Variants in MAD1L1 observed in about 807,000 individuals in gnomAD.
MAD1L1 encodes mitotic arrest deficient 1 like 1.
A neutral mutation model predicts 96.9 loss-of-function variants in MAD1L1; 95 were observed. The ratio of observed to expected loss-of-function variants is 0.98; its 90% CI spans 0.83 to 1.16. The LOEUF (loss-of-function observed/expected upper bound fraction) is 1.16, where lower values mean the gene tolerates loss of function less well. Ranked by LOEUF, MAD1L1 falls within the 50% of genes most tolerant of loss-of-function variation. The pLI is 0.00. For missense variants in MAD1L1, 1,007 were observed against 954.4 expected, an observed-to-expected ratio of 1.06 and a Z score of -0.73; for synonymous variants, 473 against 396.6, an observed-to-expected ratio of 1.19 and a Z score of -2.29.
chr7:1,911,951 C>T (rs1028076285), intron 17 of MAD1L1, among the ~76,000 whole-genome samples: 7 of 152,262 alleles, frequency 4.6e-5, no homozygotes, highest in Admixed American at 2.0e-4. Context: ...CTGTCCAACC[C>T]GCCCTCCATG....
intron 17 of MAD1L1, among the ~76,000 whole-genome samples, chr7:1,916,775 C>A (rs1056684387): frequency 6.6e-6 from 1 of 152,152 alleles, no homozygotes; most frequent in Non-Finnish European, 1.5e-5. Flanking sequence ...CCCGATCCCA[C>A]GGTGGGGGCC....
At chr7:1,876,203 G>A (rs976055114) in intron 18 of MAD1L1, among the ~76,000 whole-genome samples, 5 of 152,174 alleles carry the variant, frequency 3.3e-5, no homozygotes, top group East Asian at 1.9e-4. Context: ...GGATGGTAGC[G>A]GCATGGCAGC....
intron 16 of MAD1L1, among the ~76,000 whole-genome samples, chr7:1,954,391 C>G (rs1326823004): frequency 6.6e-6 from 1 of 152,138 alleles, no homozygotes; most frequent in African/African-American, 2.4e-5. Flanking sequence ...CCCAGTGTCC[C>G]AGCTATGAGG....
At chr7:1,867,866 C>T (rs534708552) in intron 18 of MAD1L1, among the ~76,000 whole-genome samples, 2 of 152,310 alleles carry the variant, frequency 1.3e-5, no homozygotes, top group Non-Finnish European at 1.5e-5. Flanking sequence ...AAATAAATGG[C>T]GATGCATCGG....
intron 7 of MAD1L1, among the ~76,000 whole-genome samples, chr7:2,217,190 C>T (rs567810454): frequency 7.2e-5 from 11 of 152,330 alleles, no homozygotes; most frequent in East Asian, 3.9e-4. Context: ...CTTTTCCCTA[C>T]GGTACCCAGT....
chr7:1,869,157 G>A (rs1583603299), intron 18 of MAD1L1, among the ~76,000 whole-genome samples: 4 of 152,156 alleles, frequency 2.6e-5, no homozygotes, highest in East Asian at 3.9e-4. Context: ...CATGGCTGCC[G>A]GCATGGGGCG....
At chr7:2,093,241 T>C (rs1357518612) in intron 11 of MAD1L1, among the ~76,000 whole-genome samples, 1 of 42,064 alleles carries the variant, frequency 2.4e-5, no homozygotes, top group Non-Finnish European at 4.1e-5. Flanking sequence ...AGAGACTCCG[T>C]GTCAAAAAAA....
At chr7:2,171,749 T>C (rs1790718778) in intron 10 of MAD1L1, among the ~76,000 whole-genome samples, 1 of 151,650 alleles carries the variant, frequency 6.6e-6, no homozygotes, top group Admixed American at 6.6e-5. Flanking sequence ...ATGGGTCACC[T>C]CCGCCATGCA....
At chr7:2,066,504 A>T (rs1454695207) in intron 12 of MAD1L1, among the ~76,000 whole-genome samples, 1 of 152,238 alleles carries the variant, frequency 6.6e-6, no homozygotes, top group African/African-American at 2.4e-5. Flanking sequence ...TTGCTAACAC[A>T]GAGCAGGCCC....
chr7:1,943,698 G>C (rs866343304), intron 16 of MAD1L1, among the ~76,000 whole-genome samples: 2 of 151,966 alleles, frequency 1.3e-5, no homozygotes, highest in African/African-American at 4.8e-5. Flanking sequence ...ATGGTGAAAC[G>C]GTTACCATGT....
At chr7:2,096,863 G>C (rs544523782) in intron 11 of MAD1L1, among the ~76,000 whole-genome samples, 1 of 152,250 alleles carries the variant, frequency 6.6e-6, no homozygotes, top group East Asian at 1.9e-4. Context: ...CGCTGGCCCA[G>C]GCGTGGGCCC....
intron 17 of MAD1L1, among the ~76,000 whole-genome samples, chr7:1,920,921 CAGAAAA>C (rs1298117734): frequency 6.6e-6 from 1 of 152,258 alleles, no homozygotes; most frequent in African/African-American, 2.4e-5. Context: ...CCGGTCCAGA[CAGAAAA>C]GGGTGCAGAT....
rs549116488 is a variant in MAD1L1 at position 1,899,982 on chromosome 7, T to C, written c.1808-1592A>G. Among the ~76,000 whole-genome samples, 11 of 152,254 alleles carry C rather than the reference T, an allele frequency of 7.2e-5. 1 individual carries two copies. In the Middle Eastern group the frequency reaches 0.01, roughly 141 times the overall value. On this transcript the variant is annotated intron_variant, in intron 17 of 18. Coordinates refer to ENST00000265854, the MANE Select transcript of MAD1L1 (RefSeq NM_001013836.2). ...ACTCTGAACCTACCCCTTCACCCCATCTCCCAGGACTTCTGCCTGCAACAC... is the reference window on the plus strand; with the variant it reads ...ACTCTGAACCTACCCCTTCACCCCACCTCCCAGGACTTCTGCCTGCAACAC...
intron 10 of MAD1L1, among the ~76,000 whole-genome samples, chr7:2,158,226 G>A (rs866510110): frequency 2.8e-4 from 43 of 152,366 alleles, no homozygotes; most frequent in Middle Eastern, 3.4e-3. Context: ...CCGGCCTACT[G>A]CTTTCCTTCC....
chr7:1,934,317 T>G (rs916836703), intron 17 of MAD1L1, among the ~76,000 whole-genome samples: 1 of 152,140 alleles, frequency 6.6e-6, no homozygotes, highest in Non-Finnish European at 1.5e-5. Flanking sequence ...CACAGCCAGA[T>G]GCCGACCACC....
chr7:1,870,503 TGCCACACTGAACCCAACATAA>T, intron 18 of MAD1L1, among the ~76,000 whole-genome samples: 1 of 137,118 alleles, frequency 7.3e-6, no homozygotes, highest in Non-Finnish European at 1.6e-5. Flanking sequence ...AACATACACC[TGCCACACTGAACCCAACATAA>T]GCCTGCCACG....
chr7:2,096,540 G>A (rs1378625125), intron 11 of MAD1L1, among the ~76,000 whole-genome samples: 1 of 152,066 alleles, frequency 6.6e-6, no homozygotes, highest in Non-Finnish European at 1.5e-5. Flanking sequence ...TTCTGTGTGT[G>A]CATTGGGCAG....
chr7:1,974,510 C>T (rs944388120), intron 15 of MAD1L1, among the ~76,000 whole-genome samples: 2 of 152,038 alleles, frequency 1.3e-5, no homozygotes, highest in Admixed American at 6.5e-5. Flanking sequence ...ATAAAAGAAT[C>T]CTCAGAGAAC....
At chr7:2,113,043 C>G (rs1451956411) in intron 11 of MAD1L1, among the ~76,000 whole-genome samples, 3 of 144,836 alleles carry the variant, frequency 2.1e-5, no homozygotes, top group Non-Finnish European at 4.7e-5. Flanking sequence ...ACCTACTCGA[C>G]GAGGGGCAGA....
Sources: allele counts gnomAD v4.1 joint callset (sites outside exome capture counted in the v4.1 genomes callset), GRCh38; gene constraint gnomAD v4.1.1; transcripts MANE v1.5; gene names NCBI Gene and HGNC (gene_info 2026-07-23, HGNC 2026-07-21).